GBA1: variants seen among roughly 807,000 people sequenced by gnomAD.
GBA1 encodes glucosylceramidase beta 1.
At chr1:155,238,174 C>T in the GBA1 span, 50 of 1,614,020 alleles carry the variant, frequency 3.1e-5, no homozygotes, top group East Asian at 8.9e-5. Flanking sequence ...TAGATGTCTC[C>T]GGGCTGTCCC....
the GBA1 span, chr1:155,239,969 G>T: frequency 6.2e-7 from 1 of 1,614,038 alleles, no homozygotes; most frequent in East Asian, 2.2e-5. Flanking sequence ...GCGGCTGAAG[G>T]TACCAAGGGC....
the GBA1 span, chr1:155,240,079 TGGGA>T: frequency 6.2e-7 from 1 of 1,613,096 alleles, no homozygotes; most frequent in Non-Finnish European, 8.5e-7. Flanking sequence ...GGCGGGCACC[TGGGA>T]GGGAGGGAGT....
chr1:155,241,732 T>G, the GBA1 span, among the ~76,000 whole-genome samples: 139 of 152,090 alleles, frequency 9.1e-4, 1 homozygote, highest in African/African-American at 3.2e-3. Flanking sequence ...GGGTGGGGAA[T>G]TATCCAGGAT....
At chr1:155,239,907 G>A in the GBA1 span, 1 of 1,614,116 alleles carries the variant, frequency 6.2e-7, no homozygotes, top group Admixed American at 1.7e-5. Context: ...TGATTAGCCT[G>A]GATGGGCCCC....
the GBA1 span, chr1:155,235,467 C>T: frequency 8.2e-7 from 1 of 1,219,206 alleles, no homozygotes; most frequent in East Asian, 2.6e-5. Flanking sequence ...ACTGACCCTG[C>T]TTTTCTGCAT....
At chr1:155,235,270 G>C in the GBA1 span, 3 of 1,613,830 alleles carry the variant, frequency 1.9e-6, no homozygotes, top group Non-Finnish European at 2.5e-6. Context: ...CTTCTGACTG[G>C]CAACCAGCCC....
At chr1:155,236,826 C>T in the GBA1 span, among the ~76,000 whole-genome samples, 1 of 151,718 alleles carries the variant, frequency 6.6e-6, no homozygotes, top group East Asian at 1.9e-4. Context: ...TATGTATATA[C>T]ACATACATAC....
chr1:155,236,883 G>A, the GBA1 span, among the ~76,000 whole-genome samples: 7 of 151,656 alleles, frequency 4.6e-5, no homozygotes, highest in African/African-American at 1.2e-4. Flanking sequence ...GTTTTGTTTC[G>A]AGATGGAGTC....
chr1:155,241,263 G>C, the GBA1 span: 1 of 735,422 alleles, frequency 1.4e-6, no homozygotes, highest in Non-Finnish European at 2.5e-6. Flanking sequence ...TTCCCGATGT[G>C]GATGGGTCAT....
chr1:155,237,254 G>A, the GBA1 span: 84 of 1,603,208 alleles, frequency 5.2e-5, no homozygotes, highest in Non-Finnish European at 6.8e-5. Flanking sequence ...CCATAGTTGG[G>A]TAGAGAAATC....
chr1:155,235,776 A>G, the GBA1 span: 36 of 1,614,082 alleles, frequency 2.2e-5, no homozygotes, highest in Middle Eastern at 1.5e-3. Context: ...TACGCACCCA[A>G]TTGGGTCCTC....
chr1:155,235,823 C>A, the GBA1 span: 1 of 1,614,194 alleles, frequency 6.2e-7, no homozygotes, highest in Non-Finnish European at 8.5e-7. Flanking sequence ...TCGGTCCAGC[C>A]GACCACATGG....
the GBA1 span, chr1:155,240,540 G>A: frequency 1.0e-6 from 1 of 1,003,156 alleles, no homozygotes; most frequent in Non-Finnish European, 1.6e-6. Context: ...CCTACTAAAA[G>A]TCTACCACCA....
At chr1:155,241,328 T>C in the GBA1 span, 1 of 627,564 alleles carries the variant, frequency 1.6e-6, no homozygotes. Context: ...CAGCCATATT[T>C]CTAAAGGGCA....
At chr1:155,239,520 G>A in the GBA1 span, 3 of 1,329,636 alleles carry the variant, frequency 2.3e-6, no homozygotes, top group Non-Finnish European at 3.2e-6. Flanking sequence ...GACAGAATGG[G>A]CAGAGTGAGA....
chr1:155,239,977 G>C, the GBA1 span: 1 of 1,614,140 alleles, frequency 6.2e-7, no homozygotes, highest in Non-Finnish European at 8.5e-7. Context: ...AGGTACCAAG[G>C]GCAGGAAAGG....
At chr1:155,242,995 T>G in the GBA1 span, among the ~76,000 whole-genome samples, 1 of 152,214 alleles carries the variant, frequency 6.6e-6, no homozygotes, top group Admixed American at 6.5e-5. Flanking sequence ...ACTCTAAGCC[T>G]CTGTTTCATC....
At chr1:155,244,535 C>T in the GBA1 span, 2 of 152,244 alleles carry the variant, frequency 1.3e-5, no homozygotes, top group African/African-American at 4.8e-5. Context: ...CAGCCCCAAC[C>T]GGAGGCAAAA....
chr1:155,241,126 T>C, the GBA1 span: 7 of 1,613,586 alleles, frequency 4.3e-6, no homozygotes, highest in Admixed American at 5.0e-5. Context: ...CTCAGGGTCA[T>C]TAGATGAAGA....
Sources: gnomAD v4.1 joint callset for allele counts (sites outside exome capture counted in the v4.1 genomes callset) on GRCh38, gnomAD v4.1.1 for gene constraint, MANE v1.5 for transcripts, NCBI Gene and HGNC (gene_info 2026-07-23, HGNC 2026-07-21) for gene names.